Variants in BCL2L1 observed in about 807,000 individuals in gnomAD.
The protein encoded by BCL2L1 is bcl-2-like protein 1.
BCL2L1 carries 1 observed loss-of-function variant against 18.7 expected under a neutral mutation model. The observed-to-expected ratio is 0.05, with a 90% CI of 0.02 to 0.25. BCL2L1 has a LOEUF of 0.25. Ranked by LOEUF, BCL2L1 falls within the 10% of genes least tolerant of loss-of-function variation. BCL2L1 has a pLI of 1.00. For missense variants in BCL2L1, 207 were observed against 304.9 expected (o/e 0.68, Z 2.39); for synonymous variants, 103 against 122.7 (o/e 0.84, Z 1.06).
intron 2 of BCL2L1, among the ~76,000 whole-genome samples, chr20:31,701,243 A>G (rs542300225): frequency 4.6e-5 from 7 of 152,248 alleles, no homozygotes; most frequent in African/African-American, 1.2e-4. Flanking sequence ...TAGCAGAGAC[A>G]GGGTTTCACC....
intron 2 of BCL2L1, among the ~76,000 whole-genome samples, chr20:31,715,831 CTTTTTA>C (rs1316572592): frequency 2.0e-5 from 3 of 151,990 alleles, no homozygotes; most frequent in Non-Finnish European, 2.9e-5. Context: ...ACCAGAGAGA[CTTTTTA>C]TTTTTATTTT....
intron 2 of BCL2L1, chr20:31,713,172 G>T (rs1338380419): frequency 1.2e-6 from 1 of 809,176 alleles, no homozygotes; most frequent in East Asian, 1.3e-4. Flanking sequence ...GCTAATGCGT[G>T]ATGGAGCCAA....
chr20:31,706,898 G>A (rs1438222566), intron 2 of BCL2L1, among the ~76,000 whole-genome samples: 2 of 152,206 alleles, frequency 1.3e-5, no homozygotes, highest in African/African-American at 4.8e-5. Flanking sequence ...TGAGGCAACA[G>A]GCAGAGCTTG....
At position 31,665,858 on chromosome 20, in the gene BCL2L1, A is replaced by C; in HGVS notation, c.*91T>G. On this transcript the variant is annotated 3_prime_UTR_variant, in exon 3 of 3. Transcript: ENST00000307677. The stretch of plus-strand genomic sequence containing the variant: ...GGGCAGGTGGGCATGGGCTGCATGT[A>C]GTGGTTCTCCTGGTGGCAATGGCGG... 1 of 1,525,356 alleles carries C rather than the reference A, an allele frequency of 6.6e-7. No individual in the cohort carries two copies. The highest frequency in any genetic ancestry group is 8.9e-7 in the Non-Finnish European group (1 of 1,118,634). The allele number at this position is 1,525,356 out of a possible 1,614,324, so 94.5% of individuals were successfully genotyped here. A position where few individuals can be genotyped will look rare whatever the true frequency, so the allele number is the denominator to read the frequency against.
chr20:31,674,707 T>A (rs958575142), intron 2 of BCL2L1, among the ~76,000 whole-genome samples: 1 of 151,922 alleles, frequency 6.6e-6, no homozygotes, highest in Non-Finnish European at 1.5e-5. Context: ...CCCATCTCTA[T>A]AAGAAAAATC....
chr20:31,692,249 G>A (rs1416871750), intron 2 of BCL2L1, among the ~76,000 whole-genome samples: 1 of 152,248 alleles, frequency 6.6e-6, no homozygotes, highest in Admixed American at 6.5e-5. Context: ...ACATGTGCAT[G>A]TGCAGGAGAC....
intron 2 of BCL2L1, among the ~76,000 whole-genome samples, chr20:31,680,762 G>A (rs773587338): frequency 1.3e-5 from 2 of 152,162 alleles, no homozygotes; most frequent in East Asian, 1.9e-4. Flanking sequence ...ATGAAAATTC[G>A]TACCTGTATG....
chr20:31,690,699 G>A (rs2061049896), intron 2 of BCL2L1, among the ~76,000 whole-genome samples: 1 of 151,810 alleles, frequency 6.6e-6, no homozygotes, highest in African/African-American at 2.4e-5. Context: ...GCTTCCCAAG[G>A]AGCTGGGATT....
At chr20:31,691,921 T>C (rs1051462265) in intron 2 of BCL2L1, among the ~76,000 whole-genome samples, 6 of 152,202 alleles carry the variant, frequency 3.9e-5, no homozygotes, top group Admixed American at 3.9e-4. Context: ...AGAGGTAAAG[T>C]AATGGAAAAC....
intron 2 of BCL2L1, among the ~76,000 whole-genome samples, chr20:31,676,084 T>C (rs2060754226): frequency 6.6e-6 from 1 of 152,136 alleles, no homozygotes; most frequent in Admixed American, 6.5e-5. Context: ...GTGTGGGCTC[T>C]CCATCTCTCT....
intron 2 of BCL2L1, among the ~76,000 whole-genome samples, chr20:31,688,760 G>GA (rs1349927060): frequency 1.3e-5 from 2 of 152,048 alleles, no homozygotes; most frequent in Admixed American, 6.6e-5. Flanking sequence ...CAAAAGACTG[G>GA]AAAAAAATGT....
chr20:31,668,832 T>G (rs144783933), intron 2 of BCL2L1, among the ~76,000 whole-genome samples: 6,751 of 151,668 alleles, frequency 0.045, 206 homozygotes, highest in Middle Eastern at 0.078. Context: ...TTCAAACTCC[T>G]GACCTCAGGT....
At chr20:31,691,597 CA>C (rs2087363665) in intron 2 of BCL2L1, among the ~76,000 whole-genome samples, 2 of 151,342 alleles carry the variant, frequency 1.3e-5, no homozygotes, top group Admixed American at 1.3e-4. Flanking sequence ...GCCCGGCGAA[CA>C]AATTAATCCC....
chr20:31,718,734 G>A (rs1231981900), intron 2 of BCL2L1, among the ~76,000 whole-genome samples: 2 of 151,960 alleles, frequency 1.3e-5, no homozygotes, highest in African/African-American at 4.8e-5. Flanking sequence ...AACCTGCCAT[G>A]TCTGAGTTTT....
chr20:31,688,662 G>T (rs1174748153), intron 2 of BCL2L1, among the ~76,000 whole-genome samples: 1 of 151,962 alleles, frequency 6.6e-6, no homozygotes, highest in East Asian at 1.9e-4. Flanking sequence ...CACTTTTAGG[G>T]ATTCATCCCC....
In BCL2L1 at chr20:31,694,239, G is replaced by A. The variant is rs576334203; in HGVS notation, c.564+27416C>T. On this transcript the variant is annotated intron_variant, in intron 2 of 2. Transcript: ENST00000307677. ...GGCTGGGCCCAGTCAGATGGGTGGT[G>A]GGCTTCTGTCAGAGCCCCTCCATCT... 1.5e-4 allele frequency among the ~76,000 whole-genome samples: 23 copies of A among 152,236 alleles called. No homozygotes were observed. The Middle Eastern group carries it at 0.014, about 90-fold the overall frequency.
intron 2 of BCL2L1, among the ~76,000 whole-genome samples, chr20:31,683,896 A>C (rs1202325829): frequency 6.6e-6 from 1 of 152,172 alleles, no homozygotes; most frequent in Non-Finnish European, 1.5e-5. Flanking sequence ...TGCTAAATAA[A>C]TAAATGCAAT....
chr20:31,693,092 A>C (rs547031025), intron 2 of BCL2L1, among the ~76,000 whole-genome samples: 1 of 150,536 alleles, frequency 6.6e-6, no homozygotes, highest in Admixed American at 6.6e-5. Flanking sequence ...AAAAACAAAA[A>C]CAAAAAAAAG....
At chr20:31,700,304 C>T (rs2061255724) in intron 2 of BCL2L1, among the ~76,000 whole-genome samples, 1 of 152,202 alleles carries the variant, frequency 6.6e-6, no homozygotes, top group Admixed American at 6.5e-5. Flanking sequence ...CCTCCCCTCA[C>T]TATTAGTTGA....
Sources: gnomAD v4.1 joint callset for allele counts (sites outside exome capture counted in the v4.1 genomes callset) on GRCh38, gnomAD v4.1.1 for gene constraint, MANE v1.5 for transcripts, NCBI Gene and HGNC (gene_info 2026-07-23, HGNC 2026-07-21) for gene names.